CWC27: variants seen among roughly 807,000 people sequenced by gnomAD.
CWC27 encodes the protein spliceosome-associated protein CWC27 homolog.
A neutral mutation model predicts 63.6 loss-of-function variants in CWC27; 47 were observed. The ratio of observed to expected loss-of-function variants is 0.74; its 90% CI spans 0.58 to 0.94. The LOEUF (loss-of-function observed/expected upper bound fraction) is 0.94. CWC27 is among the 40% of genes least tolerant of loss of function. CWC27 has a pLI of 0.00. For missense variants in CWC27, 495 were observed against 554.3 expected, an observed-to-expected ratio of 0.89 and a Z score of 1.07; for synonymous variants, 175 against 179.8, an observed-to-expected ratio of 0.97 and a Z score of 0.22.
intron 10 of CWC27, among the ~76,000 whole-genome samples, chr5:64,808,730 C>T (rs1440636960): frequency 3.9e-5 from 6 of 152,082 alleles, no homozygotes; most frequent in Non-Finnish European, 8.8e-5. Context: ...GGTCATTAAA[C>T]TTTGTGGAAT....
chr5:64,914,254 G>A (rs972949220), intron 11 of CWC27, among the ~76,000 whole-genome samples: 5 of 152,094 alleles, frequency 3.3e-5, no homozygotes, highest in Admixed American at 6.6e-5. Context: ...TTCATGTAGC[G>A]ATTGAAGGAT....
At chr5:64,840,635 G>C (rs914105937) in intron 10 of CWC27, among the ~76,000 whole-genome samples, 2 of 151,768 alleles carry the variant, frequency 1.3e-5, no homozygotes, top group Admixed American at 6.6e-5. Flanking sequence ...TTAGTTTACA[G>C]TAAGTAGACA....
intron 11 of CWC27, among the ~76,000 whole-genome samples, chr5:64,929,420 A>G (rs1748190212): frequency 6.6e-6 from 1 of 152,174 alleles, no homozygotes; most frequent in Admixed American, 6.5e-5. Flanking sequence ...TGGCACATCA[A>G]GACAACCTAG....
chr5:64,888,519 TTTA>T (rs576666032), intron 11 of CWC27, among the ~76,000 whole-genome samples: 42 of 124,430 alleles, frequency 3.4e-4, no homozygotes, highest in African/African-American at 9.1e-4. Context: ...TATATTATTA[TTTA>T]TTATTATAAC....
At chr5:64,842,808 C>T (rs1745879480) in intron 10 of CWC27, among the ~76,000 whole-genome samples, 1 of 151,712 alleles carries the variant, frequency 6.6e-6, no homozygotes, top group African/African-American at 2.4e-5. Context: ...CGCCATGTTG[C>T]CCAAGCTGGT....
At chr5:64,797,030 CT>C (rs1038275034) in intron 7 of CWC27, among the ~76,000 whole-genome samples, 11 of 137,682 alleles carry the variant, frequency 8.0e-5, no homozygotes, top group African/African-American at 2.7e-4. Context: ...CCTCTTTGTT[CT>C]TGGATATGAA....
chr5:65,002,701 C>T (rs1017241907), intron 13 of CWC27, among the ~76,000 whole-genome samples: 6 of 151,976 alleles, frequency 3.9e-5, no homozygotes, highest in African/African-American at 1.4e-4. Context: ...TGTTTTGTGG[C>T]TTCAACTATG....
At chr5:64,868,971 T>C (rs1746601390) in intron 10 of CWC27, among the ~76,000 whole-genome samples, 2 of 152,054 alleles carry the variant, frequency 1.3e-5, no homozygotes, top group South Asian at 2.1e-4. Context: ...TAGAATTTGA[T>C]GTGAGGATTC....
chr5:64,983,461 A>C (rs563825548), intron 13 of CWC27, among the ~76,000 whole-genome samples: 1 of 152,332 alleles, frequency 6.6e-6, no homozygotes, highest in African/African-American at 2.4e-5. Context: ...TTGCAGACAC[A>C]CAGGGGTCCC....
rs183586879 is a variant in CWC27, at chr5:64,773,010, C to A, written c.43-1681C>A. On this transcript the variant is annotated intron_variant, in intron 1 of 13. Transcript: ENST00000381070. ...ACGACTAGCCAAATAGATTTATAGA[C>A]CATAGTATTTAGATTAACTAAACCA... 1.2e-4 allele frequency among the ~76,000 whole-genome samples: 18 copies of A among 151,220 alleles called. 1 individual carries two copies. The East Asian group carries it at 3.5e-3, about 29-fold the overall frequency.
chr5:64,941,373 C>G (rs1387292792), intron 11 of CWC27, among the ~76,000 whole-genome samples: 1 of 152,100 alleles, frequency 6.6e-6, no homozygotes, highest in East Asian at 1.9e-4. Flanking sequence ...TAGTCTTTGC[C>G]CCTTTCCATA....
At chr5:64,998,508 G>A (rs980002679) in intron 13 of CWC27, among the ~76,000 whole-genome samples, 3 of 152,218 alleles carry the variant, frequency 2.0e-5, no homozygotes, top group African/African-American at 4.8e-5. Flanking sequence ...TGAAACCTAC[G>A]TCTTTCATAT....
At chr5:64,913,812 C>A (rs978724321) in intron 11 of CWC27, among the ~76,000 whole-genome samples, 6 of 152,016 alleles carry the variant, frequency 3.9e-5, no homozygotes, top group African/African-American at 1.4e-4. Flanking sequence ...CAATCAAAAT[C>A]TAACAGGTTC....
chr5:64,973,001 A>C (rs1749153448), intron 12 of CWC27, among the ~76,000 whole-genome samples: 1 of 152,190 alleles, frequency 6.6e-6, no homozygotes, highest in Non-Finnish European at 1.5e-5. Context: ...CTTCCTAAGG[A>C]AATGATTTGT....
intron 10 of CWC27, among the ~76,000 whole-genome samples, chr5:64,826,400 T>G (rs1487815023): frequency 6.6e-6 from 1 of 152,208 alleles, no homozygotes; most frequent in East Asian, 1.9e-4. Flanking sequence ...TGAGACTTGT[T>G]TTTTGTCCCA....
rs181720265 is a variant in CWC27, at chr5:64,825,966, A to C, written c.938+21580A>C. ...AATTTCGTCTGTGAATAGTAGCTTC[A>C]GTTCATGCCCAAAAGTTCCAGCACG... On this transcript the variant is annotated intron_variant, in intron 10 of 13. Coordinates refer to ENST00000381070, the MANE Select transcript of CWC27 (RefSeq NM_005869.4). Among the ~76,000 whole-genome samples the C allele has an allele frequency of 5.8e-4, 89 of 152,348 alleles. 1 individual carries two copies. In the Middle Eastern group the frequency reaches 0.014, roughly 23 times the overall value.
intron 10 of CWC27, among the ~76,000 whole-genome samples, chr5:64,852,768 C>T (rs1034682683): frequency 3.3e-5 from 5 of 151,584 alleles, no homozygotes; most frequent in African/African-American, 4.8e-5. Context: ...CCACTGCTCC[C>T]GGCCACCTTT....
At chr5:64,769,329 A>G in intron 1 of CWC27, 141 bp downstream of exon 1, 1 of 726,918 alleles carries the variant, frequency 1.4e-6, no homozygotes, top group Non-Finnish European at 2.5e-6. Flanking sequence ...CATGTGGACA[A>G]TGTTGCATCG....
chr5:64,952,486 T>A (rs1489333825), intron 11 of CWC27, among the ~76,000 whole-genome samples: 1 of 152,002 alleles, frequency 6.6e-6, no homozygotes, highest in Non-Finnish European at 1.5e-5. Flanking sequence ...GTGTTCTAGA[T>A]AGTATACAAC....
Sources: allele counts gnomAD v4.1 joint callset (sites outside exome capture counted in the v4.1 genomes callset), GRCh38; gene constraint gnomAD v4.1.1; transcripts MANE v1.5; gene names NCBI Gene and HGNC (gene_info 2026-07-23, HGNC 2026-07-21).